Variants in PRDM11 observed in about 807,000 individuals in gnomAD.
PRDM11 encodes PR domain-containing protein 11.
PRDM11 carries 20 observed loss-of-function variants against 97.8 expected under a neutral mutation model. That is an observed-to-expected ratio of 0.20 (90% CI 0.14 to 0.30). PRDM11 has a LOEUF of 0.30. Ranked by LOEUF, PRDM11 falls within the 10% of genes least tolerant of loss-of-function variation. The probability of loss-of-function intolerance (pLI) is 1.00; values close to 1 mark genes in which losing one functional copy is unlikely to be tolerated. For missense variants in PRDM11, 1,139 were observed against 1,555.2 expected (o/e 0.73, Z 4.50); for synonymous variants, 599 against 637.7 (o/e 0.94, Z 0.91).
intron 1 of PRDM11, among the ~76,000 whole-genome samples, chr11:45,177,438 A>T (rs905658585): frequency 6.6e-6 from 1 of 152,226 alleles, no homozygotes; most frequent in African/African-American, 2.4e-5. Flanking sequence ...TACCTGGGCC[A>T]GGCCTTAGAG....
chr11:45,098,291 G>A (rs1427106856), intron 1 of PRDM11, among the ~76,000 whole-genome samples: 3 of 152,212 alleles, frequency 2.0e-5, no homozygotes, highest in African/African-American at 7.2e-5. Flanking sequence ...AGGACCCTCT[G>A]GCCAATGTTG....
At chr11:45,223,725 C>T (rs533515085) in intron 6 of PRDM11, among the ~76,000 whole-genome samples, 6 of 152,172 alleles carry the variant, frequency 3.9e-5, no homozygotes, top group Admixed American at 1.3e-4. Flanking sequence ...TCCAGAGCAA[C>T]GAAGGAGGAG....
chr11:45,140,096 A>T lies in PRDM11; in HGVS notation c.97-41665A>T, dbSNP rs557958776. Among the ~76,000 whole-genome samples, 13 of 152,368 alleles carry T rather than the reference A, an allele frequency of 8.5e-5. No individual in the cohort carries two copies. The South Asian group carries it at 2.7e-3, about 32-fold the overall frequency. ...TACCCTTGCATAAAAGAAAAAGGAC[A>T]TTTGAACACCAAAAATAGTAGGAAA... is the stretch of plus-strand genomic sequence containing the variant. On this transcript the variant is annotated intron_variant, in intron 1 of 6. Transcript: ENST00000530656.
At chr11:45,099,961 G>A (rs1851944465) in intron 1 of PRDM11, among the ~76,000 whole-genome samples, 1 of 152,218 alleles carries the variant, frequency 6.6e-6, no homozygotes, top group Non-Finnish European at 1.5e-5. Flanking sequence ...ATTAGAAGTA[G>A]AAAGTTTTAT....
intron 4 of PRDM11, among the ~76,000 whole-genome samples, chr11:45,191,442 A>G (rs1477207753): frequency 1.3e-5 from 2 of 152,196 alleles, no homozygotes; most frequent in African/African-American, 2.4e-5. Flanking sequence ...TTTAAAAAAG[A>G]TAGTGCTCAA....
Position 45,183,001 on chromosome 11 carries a change from G to A in PRDM11, c.364G>A (p.Asp122Asn). 1 of 1,614,144 alleles carries A rather than the reference G, an allele frequency of 6.2e-7. No homozygotes were observed. Among genetic ancestry groups the A allele is most frequent in the Non-Finnish European group, 8.5e-7 (1 of 1,180,036 alleles). Residue 122 changes from aspartate to asparagine, a missense_variant, in exon 4 of 8, where the codon GAC becomes AAC. Physicochemically the swap from Asp to Asn is conservative, Grantham distance 23. This residue lies in a region of PRDM11 where 429 missense variants were observed against 510.3 expected (regional missense o/e 0.84). Transcript: ENST00000683152. ...TIPQGMEVVK[D>N]TSGESDVRCV... The stretch of plus-strand genomic sequence containing the variant: ...CCCACAGGGCATGGAGGTGGTCAAG[G>A]ACACTAGTGGAGAGAGTGACGTGCG...
rs1854353007 is a variant in PRDM11 at position 45,229,459 on chromosome 11, TAC to T, written c.*1304_*1305del. The T allele has an allele frequency of 6.7e-6, 1 of 148,482 alleles. No homozygotes were observed. Among genetic ancestry groups the T allele is most frequent in the Non-Finnish European group, 1.5e-5 (1 of 67,340 alleles). 9.2% of individuals were successfully genotyped at this position (148,482 alleles called of 1,614,324 possible). ...AGAGAGGACTCTCAAGGCATCAGCC[TAC>T]ACAGACACACACACACACACAGACA... On this transcript the variant is annotated 3_prime_UTR_variant, in exon 8 of 8. Coordinates refer to ENST00000683152, the MANE Select transcript of PRDM11 (RefSeq NM_001384648.1).
intron 4 of PRDM11, among the ~76,000 whole-genome samples, chr11:45,203,296 G>C (rs541154869): frequency 1.9e-3 from 283 of 151,982 alleles, no homozygotes; most frequent in Non-Finnish European, 3.2e-3. Flanking sequence ...CAATAAAGCT[G>C]TTAGAAAGGA....
intron 1 of PRDM11, among the ~76,000 whole-genome samples, chr11:45,136,388 C>A (rs1852844127): frequency 6.6e-6 from 1 of 152,084 alleles, no homozygotes; most frequent in Non-Finnish European, 1.5e-5. Context: ...GAAAAACCAT[C>A]CTGGAACAAG....
intron 1 of PRDM11, among the ~76,000 whole-genome samples, chr11:45,152,163 G>A (rs1851674764): frequency 2.0e-5 from 3 of 152,150 alleles, no homozygotes; most frequent in Admixed American, 2.0e-4. Context: ...CGCCTCCTGG[G>A]TTCAAGTGAT....
chr11:45,140,262 T>G (rs1174103927), intron 1 of PRDM11, among the ~76,000 whole-genome samples: 2 of 152,212 alleles, frequency 1.3e-5, no homozygotes, highest in African/African-American at 4.8e-5. Context: ...TGGATTGACA[T>G]GTGGAAACTG....
chr11:45,128,741 G>A (rs1001566694), intron 1 of PRDM11, among the ~76,000 whole-genome samples: 3 of 152,098 alleles, frequency 2.0e-5, no homozygotes, highest in Non-Finnish European at 2.9e-5. Context: ...GGCAGAAACA[G>A]TGCTAATCTT....
intron 1 of PRDM11, among the ~76,000 whole-genome samples, chr11:45,098,654 G>T (rs1361203974): frequency 6.6e-6 from 1 of 152,162 alleles, no homozygotes; most frequent in African/African-American, 2.4e-5. Context: ...GGGTGGTGGT[G>T]GGGAACAATT....
intron 1 of PRDM11, among the ~76,000 whole-genome samples, chr11:45,124,638 C>T (rs1356536287): frequency 6.6e-6 from 1 of 152,182 alleles, no homozygotes. Context: ...TGCTGGATTA[C>T]ATTTATTGAT....
intron 1 of PRDM11, among the ~76,000 whole-genome samples, chr11:45,129,464 C>A (rs1852671418): frequency 6.6e-6 from 1 of 152,096 alleles, no homozygotes; most frequent in African/African-American, 2.4e-5. Context: ...AACAAGGTGA[C>A]TTTTCAGAAA....
chr11:45,100,268 T>G (rs1347916107), intron 1 of PRDM11, among the ~76,000 whole-genome samples: 2 of 152,214 alleles, frequency 1.3e-5, no homozygotes, highest in Admixed American at 1.3e-4. Context: ...TCCGAGTGAC[T>G]GAGACCTCTT....
chr11:45,208,373 G>C (rs974200855), intron 5 of PRDM11, among the ~76,000 whole-genome samples: 1 of 152,082 alleles, frequency 6.6e-6, no homozygotes, highest in Non-Finnish European at 1.5e-5. Flanking sequence ...CCCTGGTTAC[G>C]TATTCTTCCG....
intron 4 of PRDM11, among the ~76,000 whole-genome samples, chr11:45,201,195 AT>A (rs1853314997): frequency 6.6e-6 from 1 of 152,236 alleles, no homozygotes; most frequent in East Asian, 1.9e-4. Context: ...CATCAGTCAA[AT>A]GTAGTAAAAT....
intron 4 of PRDM11, among the ~76,000 whole-genome samples, chr11:45,194,792 G>T (rs909203516): frequency 3.3e-5 from 5 of 150,874 alleles, no homozygotes; most frequent in African/African-American, 1.2e-4. Flanking sequence ...TAGAGACGGG[G>T]TTTCACCGTT....
Sources: gnomAD v4.1 joint callset for allele counts (sites outside exome capture counted in the v4.1 genomes callset) on GRCh38, gnomAD v4.1.1 for gene constraint, gnomAD v4.1.1 regional missense constraint, MANE v1.5 for transcripts, NCBI Gene and HGNC (gene_info 2026-07-23, HGNC 2026-07-21) for gene names.